Variants in C9 observed in about 807,000 individuals in gnomAD.
C9 encodes the protein complement component C9.
C9 carries 63 observed loss-of-function variants against 65.4 expected under a neutral mutation model. The ratio of observed to expected loss-of-function variants is 0.96; its 90% CI spans 0.79 to 1.19. C9 has a LOEUF of 1.19. C9 is among the 50% of genes most tolerant of loss of function. The pLI is 0.00. For missense variants in C9, 744 were observed against 670.1 expected, an observed-to-expected ratio of 1.11 and a Z score of -1.22; for synonymous variants, 229 against 227.9, an observed-to-expected ratio of 1.00 and a Z score of -0.04.
intron 5 of C9, among the ~76,000 whole-genome samples, chr5:39,319,500 C>A (rs1012826657): frequency 1.3e-5 from 2 of 152,142 alleles, no homozygotes; most frequent in African/African-American, 4.8e-5. Context: ...AAGACTCCAG[C>A]TATAACCCAA....
intron 9 of C9, among the ~76,000 whole-genome samples, chr5:39,292,931 TATAAC>T (rs1205038525): frequency 2.7e-5 from 4 of 150,178 alleles, no homozygotes; most frequent in Non-Finnish European, 6.0e-5. Flanking sequence ...AATGGAATCA[TATAAC>T]ATACTGAATA....
At chr5:39,302,151 G>C (rs1283505589) in intron 9 of C9, among the ~76,000 whole-genome samples, 2 of 151,992 alleles carry the variant, frequency 1.3e-5, no homozygotes, top group African/African-American at 4.8e-5. Context: ...TTCAAATCCT[G>C]GAGTTAAAAA....
Position 39,285,154 on chromosome 5 carries a change from A to T in C9, c.*45T>A. 1 of 1,515,744 alleles carries T rather than the reference A, an allele frequency of 6.6e-7. No individual in the cohort carries two copies. Among genetic ancestry groups the T allele is most frequent in the Non-Finnish European group, 9.2e-7 (1 of 1,090,440 alleles). 93.9% of individuals were successfully genotyped at this position (1,515,744 alleles called of 1,614,324 possible). On this transcript the variant is annotated 3_prime_UTR_variant, in exon 11 of 11. Transcript: ENST00000263408. ...ATCTTCAGGGGTAGGATCTGAAGGT[A>T]CTAGTGTTTTCTTCTTCCACTGGAG...
intron 1 of C9, among the ~76,000 whole-genome samples, chr5:39,344,024 C>T (rs373665334): frequency 6.6e-5 from 10 of 152,156 alleles, no homozygotes; most frequent in African/African-American, 7.2e-5. Context: ...CCCATCTGTA[C>T]GTCACCATCA....
Position 39,306,679 on chromosome 5 carries a change from C to T in C9, c.1354G>A (p.Val452Met). 4.3e-6 allele frequency: 7 copies of T among 1,613,782 alleles called. No individual in the cohort carries two copies. Among genetic ancestry groups the T allele is most frequent in the Non-Finnish European group, 5.9e-6 (7 of 1,179,736 alleles). ...EKLLRGTVID[V>M]TDFVNWASSI... ...GAGGCCCAGTTGACAAAGTCAGTCA[C>T]ATCAATCACGGTTCCTCGGAGAAGC... The change falls in exon 9 of 11, where the codon GTG (valine) becomes ATG (methionine). Residue 452 changes from valine to methionine, a missense_variant. Coordinates refer to ENST00000263408, the MANE Select transcript of C9 (RefSeq NM_001737.5).
At chr5:39,306,989 G>T (rs1260879135) in intron 8 of C9, among the ~76,000 whole-genome samples, 197 bp from the exon 9 acceptor site, 1 of 152,076 alleles carries the variant, frequency 6.6e-6, no homozygotes, top group Non-Finnish European at 1.5e-5. Context: ...TTAGTAACCA[G>T]TTGTAGATTT....
At chr5:39,353,838 T>C (rs959634106) in intron 1 of C9, among the ~76,000 whole-genome samples, 1 of 152,112 alleles carries the variant, frequency 6.6e-6, no homozygotes, top group Non-Finnish European at 1.5e-5. Context: ...ACCTGAAACA[T>C]AATAGGTACT....
Position 39,284,467 on chromosome 5 carries a change from C to T in C9, c.*732G>A, listed in dbSNP as rs1428345935. 6.6e-6 allele frequency: 1 copy of T among 152,092 alleles called. No individual in the cohort carries two copies. Among genetic ancestry groups the T allele is most frequent in the Non-Finnish European group, 1.5e-5 (1 of 68,018 alleles). The allele number at this position is 152,092 out of a possible 1,614,324, so 9.4% of individuals were successfully genotyped here. A position where few individuals can be genotyped will look rare whatever the true frequency, so the allele number is the denominator to read the frequency against. ...GATGTTTTTTCTTGTAAAATATGAT[C>T]AAATAGAAGGAATTTCACATAATTT... On this transcript the variant is annotated 3_prime_UTR_variant, in exon 11 of 11. Transcript: ENST00000263408.
intron 5 of C9, among the ~76,000 whole-genome samples, chr5:39,317,655 G>C (rs1753592677): frequency 6.6e-6 from 1 of 152,008 alleles, no homozygotes; most frequent in South Asian, 2.1e-4. Context: ...ATGGTTGTAG[G>C]TGTGCAGTCT....
chr5:39,331,287 C>T (rs16868658), intron 5 of C9, among the ~76,000 whole-genome samples: 4,381 of 152,112 alleles, frequency 0.029, 78 homozygotes, highest in Non-Finnish European at 0.045. Context: ...TCTTCATAGG[C>T]GGATGCTGAA....
chr5:39,357,962 G>GGAGA (rs150644311), intron 1 of C9, among the ~76,000 whole-genome samples: 2 of 150,518 alleles, frequency 1.3e-5, no homozygotes, highest in Admixed American at 6.6e-5. Flanking sequence ...AGCATGGGGT[G>GGAGA]GAGAGAGAGA....
At chr5:39,296,459 G>T (rs12656887) in intron 9 of C9, among the ~76,000 whole-genome samples, 1 of 151,464 alleles carries the variant, frequency 6.6e-6, no homozygotes, top group Non-Finnish European at 1.5e-5. Flanking sequence ...ATGCTGGCAA[G>T]GATGTGGAAA....
intron 1 of C9, among the ~76,000 whole-genome samples, chr5:39,363,322 C>A (rs935109393): frequency 1.3e-5 from 2 of 152,174 alleles, no homozygotes; most frequent in African/African-American, 2.4e-5. Flanking sequence ...CCTCTGGGTG[C>A]CCCCTCCTGA....
intron 9 of C9, among the ~76,000 whole-genome samples, chr5:39,298,838 C>T (rs1753233364): frequency 6.6e-6 from 1 of 151,572 alleles, no homozygotes; most frequent in Admixed American, 6.6e-5. Context: ...GCAAAATATC[C>T]CAAGACAATA....
At chr5:39,353,222 C>T (rs927476592) in intron 1 of C9, among the ~76,000 whole-genome samples, 1 of 152,212 alleles carries the variant, frequency 6.6e-6, no homozygotes, top group Non-Finnish European at 1.5e-5. Flanking sequence ...GAATCTGGCC[C>T]TGCCAACACC....
intron 1 of C9, 27 bp downstream of exon 1, chr5:39,364,361 A>G (rs1186822542): frequency 3.0e-6 from 4 of 1,355,564 alleles, no homozygotes; most frequent in Non-Finnish European, 2.1e-6. Context: ...AAACTTCCAG[A>G]GACAAGCAGA....
intron 5 of C9, among the ~76,000 whole-genome samples, chr5:39,327,373 G>T (rs1299550300): frequency 1.3e-5 from 2 of 152,198 alleles, no homozygotes; most frequent in South Asian, 2.1e-4. Context: ...TACATGAGAA[G>T]TGATGGGAGC....
At chr5:39,363,291 C>A (rs1396476730) in intron 1 of C9, among the ~76,000 whole-genome samples, 2 of 152,124 alleles carry the variant, frequency 1.3e-5, no homozygotes, top group Non-Finnish European at 2.9e-5. Flanking sequence ...GGATCCAGGG[C>A]CCATGTTCAT....
intron 1 of C9, among the ~76,000 whole-genome samples, chr5:39,355,360 A>G (rs1381011254): frequency 6.6e-6 from 1 of 152,214 alleles, no homozygotes; most frequent in East Asian, 1.9e-4. Flanking sequence ...CATTACCTCT[A>G]GACAGTTCTC....
Sources: allele counts gnomAD v4.1 joint callset (sites outside exome capture counted in the v4.1 genomes callset), GRCh38; gene constraint gnomAD v4.1.1; transcripts MANE v1.5; gene names NCBI Gene and HGNC (gene_info 2026-07-23, HGNC 2026-07-21).